Variants in EXD3 observed in about 807,000 individuals in gnomAD.
The protein encoded by EXD3 is exonuclease mut-7 homolog.
EXD3 carries 92 observed loss-of-function variants against 98.0 expected under a neutral mutation model. The observed-to-expected ratio is 0.94, with a 90% CI of 0.79 to 1.12. The LOEUF is 1.12. Among genes scored for constraint, EXD3 ranks in the 50% most tolerant of loss-of-function variants. The pLI is 0.00. For synonymous variants in EXD3, 569 were observed against 526.0 expected (o/e 1.08, Z -1.12); for missense variants, 1,222 against 1,191.6 (o/e 1.03, Z -0.38).
chr9:137,405,534 A>G lies in EXD3; in HGVS notation c.-47-10130T>C, dbSNP rs1837675038. On this transcript the variant is annotated intron_variant, in intron 1 of 21. Coordinates refer to ENST00000340951, the MANE Select transcript of EXD3 (RefSeq NM_017820.5). This position sits in a 1 kb window ranked among gnomAD's most constrained non-coding sequence, Gnocchi z 4.1. The stretch of plus-strand genomic sequence containing the variant: ...AGCATCCACAGTTTCTCAGGCTCTC[A>G]ACAATAAACTTTACGTCTCATGGTT... Among the ~76,000 whole-genome samples, 1 of 152,200 alleles carries G rather than the reference A, an allele frequency of 6.6e-6. No homozygotes were observed.
intron 17 of EXD3, among the ~76,000 whole-genome samples, chr9:137,326,036 G>A (rs555021230): frequency 6.7e-6 from 1 of 148,232 alleles, no homozygotes; most frequent in Non-Finnish European, 1.5e-5. Flanking sequence ...CCGTGTTTGC[G>A]CCATCAGACT....
At chr9:137,328,056 G>C (rs1588259723) in intron 17 of EXD3, among the ~76,000 whole-genome samples, 2 of 144,910 alleles carry the variant, frequency 1.4e-5, no homozygotes, top group African/African-American at 5.1e-5. Context: ...ACACCCACAT[G>C]ATGAGTAAAA....
chr9:137,379,670 G>A (rs1384567434), intron 3 of EXD3, among the ~76,000 whole-genome samples: 2 of 151,960 alleles, frequency 1.3e-5, no homozygotes, highest in Non-Finnish European at 2.9e-5. Context: ...TTGTGAAACG[G>A]CTGGTTTTAT....
chr9:137,357,174 C>T (rs1738915049), intron 7 of EXD3: 8 of 152,268 alleles, frequency 5.3e-5, no homozygotes, highest in Admixed American at 5.2e-4. Flanking sequence ...GAGGCTCTTC[C>T]ATTTTCACTA....
chr9:137,407,991 T>A lies in EXD3; in HGVS notation c.-47-12587A>T, dbSNP rs1463708218. On this transcript the variant is annotated intron_variant, in intron 1 of 21. Transcript: ENST00000340951. This position sits in a 1 kb window ranked among gnomAD's most constrained non-coding sequence, Gnocchi z 4.4. ...CACGCCTCCGGGGGTCTCCCCAGCC[T>A]CATGCCTCTGGGGATCTCCCACCCT... Among the ~76,000 whole-genome samples the A allele has an allele frequency of 6.6e-6, 1 of 151,984 alleles. No homozygotes were observed. The highest frequency in any genetic ancestry group is 1.5e-5 in the Non-Finnish European group (1 of 67,982).
At chr9:137,356,182 G>C in intron 8 of EXD3, 86 bp downstream of exon 8, 1 of 1,023,850 alleles carries the variant, frequency 9.8e-7, no homozygotes, top group Non-Finnish European at 1.4e-6. Context: ...CTGAACAACG[G>C]GCAGCCCCAG....
At chr9:137,357,744 G>GTGTA (rs150098330) in intron 7 of EXD3, among the ~76,000 whole-genome samples, 1 of 147,110 alleles carries the variant, frequency 6.8e-6, no homozygotes, top group Non-Finnish European at 1.5e-5. Flanking sequence ...ATATATATGT[G>GTGTA]TATATATATA....
intron 17 of EXD3, among the ~76,000 whole-genome samples, chr9:137,341,461 G>C (rs1172573437): frequency 1.3e-5 from 2 of 152,238 alleles, no homozygotes; most frequent in African/African-American, 4.8e-5. Context: ...TCAGCAAAGG[G>C]AAAAGGCACA....
chr9:137,314,742 AGCGTCG>A (rs1831551378), intron 19 of EXD3, among the ~76,000 whole-genome samples: 1 of 152,094 alleles, frequency 6.6e-6, no homozygotes, highest in African/African-American at 2.4e-5. Context: ...GGCCTCGGGC[AGCGTCG>A]GCGGCGAGAA....
chr9:137,327,582 G>C (rs1259031234), intron 17 of EXD3, among the ~76,000 whole-genome samples: 1 of 151,436 alleles, frequency 6.6e-6, no homozygotes, highest in African/African-American at 2.4e-5. Context: ...ACCACAAAAA[G>C]AAAGAAAAAA....
intron 19 of EXD3, among the ~76,000 whole-genome samples, chr9:137,320,060 G>A (rs1017280327): frequency 2.0e-5 from 3 of 152,240 alleles, no homozygotes; most frequent in Non-Finnish European, 2.9e-5. Context: ...GTGGCTGCCA[G>A]CATGTGCTCT....
intron 10 of EXD3, 75 bp downstream of exon 10, chr9:137,354,264 G>C: frequency 1.3e-6 from 2 of 1,577,670 alleles, no homozygotes; most frequent in Non-Finnish European, 1.7e-6. Context: ...CTTCCACCAG[G>C]AGGCTCCGGG....
chr9:137,313,846 G>A (rs1831492423), intron 19 of EXD3, among the ~76,000 whole-genome samples: 1 of 152,192 alleles, frequency 6.6e-6, no homozygotes, highest in African/African-American at 2.4e-5. Context: ...GCATGAAAGA[G>A]CAAAGATAAA....
At chr9:137,312,724 G>T (rs963994073) in intron 19 of EXD3, among the ~76,000 whole-genome samples, 3 of 152,154 alleles carry the variant, frequency 2.0e-5, no homozygotes, top group Non-Finnish European at 4.4e-5. Flanking sequence ...CAGCTAGGAG[G>T]GCTCGAGGGG....
At chr9:137,384,857 C>T (rs1235416421) in intron 2 of EXD3, among the ~76,000 whole-genome samples, 1 of 152,156 alleles carries the variant, frequency 6.6e-6, no homozygotes, top group Non-Finnish European at 1.5e-5. Flanking sequence ...TTTGGGAGGC[C>T]GAGGCAGGTG....
At chr9:137,382,303 G>T (rs1836353895) in intron 3 of EXD3, among the ~76,000 whole-genome samples, 1 of 151,412 alleles carries the variant, frequency 6.6e-6, no homozygotes, top group Non-Finnish European at 1.5e-5. Context: ...GTATAAACAA[G>T]CGCTGCTCCA....
chr9:137,316,288 G>T (rs1016676647), intron 19 of EXD3, among the ~76,000 whole-genome samples: 1 of 151,908 alleles, frequency 6.6e-6, no homozygotes, highest in Non-Finnish European at 1.5e-5. Context: ...AGATTCAAAA[G>T]CTAACGGCCG....
intron 19 of EXD3, among the ~76,000 whole-genome samples, chr9:137,318,773 G>A (rs1383986118): frequency 1.3e-5 from 2 of 152,146 alleles, no homozygotes; most frequent in African/African-American, 4.8e-5. Flanking sequence ...CAGAAAGCCG[G>A]CACCAGCAAC....
At chr9:137,416,688 ACACATCCAGGT>A (rs1838247497) in intron 1 of EXD3, among the ~76,000 whole-genome samples, 1 of 152,188 alleles carries the variant, frequency 6.6e-6, no homozygotes, top group Admixed American at 6.5e-5. Flanking sequence ...TGGGGACGGG[ACACATCCAGGT>A]CACACCGAGG....
Sources: allele counts gnomAD v4.1 joint callset (sites outside exome capture counted in the v4.1 genomes callset), GRCh38; gene constraint gnomAD v4.1.1; non-coding constraint Gnocchi (gnomAD v3.1); transcripts MANE v1.5; gene names NCBI Gene and HGNC (gene_info 2026-07-23, HGNC 2026-07-21).